The following RELN variants were observed in gnomAD, a reference collection of about 807,000 sequenced individuals.
The protein encoded by RELN is reelin.
In RELN, 108 loss-of-function variants were observed where a neutral mutation model predicts 427.6. That is an observed-to-expected ratio of 0.25 (90% CI 0.22 to 0.30). The LOEUF (loss-of-function observed/expected upper bound fraction) is 0.30, where lower values mean the gene tolerates loss of function less well. Ranked by LOEUF, RELN falls within the 10% of genes least tolerant of loss-of-function variation. The pLI, the probability that RELN is intolerant of heterozygous loss-of-function variation, is 1.00. For missense variants in RELN, 3,715 were observed against 4,302.8 expected (o/e 0.86, Z 3.82); for synonymous variants, 1,524 against 1,513.4 (o/e 1.01, Z -0.16).
Position 103,721,467 on chromosome 7 carries a change from C to G in RELN, c.805+1673G>C. Reference sequence around the variant, plus strand: ...GGGTTTTGAGTCTTAGGTAATAAACCCTTCATTCTCTGATTACCTCCTCTT... The same window carrying G: ...GGGTTTTGAGTCTTAGGTAATAAACGCTTCATTCTCTGATTACCTCCTCTT... On this transcript the variant is annotated intron_variant, in intron 8 of 64. Coordinates refer to ENST00000428762, the MANE Select transcript of RELN (RefSeq NM_005045.4). 2.0e-5 allele frequency among the ~76,000 whole-genome samples: 3 copies of G among 152,080 alleles called. No homozygotes were observed. In the Middle Eastern group the frequency reaches 0.01, roughly 517 times the overall value.
At chr7:103,679,347 A>G (rs1234245530) in intron 11 of RELN, among the ~76,000 whole-genome samples, 1 of 152,236 alleles carries the variant, frequency 6.6e-6, no homozygotes, top group Non-Finnish European at 1.5e-5. Context: ...CGTCCTGGCC[A>G]AAAGCCACAA....
At chr7:103,951,835 G>T (rs1796338959) in intron 1 of RELN, among the ~76,000 whole-genome samples, 1 of 152,276 alleles carries the variant, frequency 6.6e-6, no homozygotes, top group African/African-American at 2.4e-5. Context: ...ACAATGCCTG[G>T]CTAATTTTTG....
chr7:103,975,240 T>C (rs937600629), intron 1 of RELN, among the ~76,000 whole-genome samples: 8 of 152,254 alleles, frequency 5.3e-5, no homozygotes, highest in South Asian at 2.1e-4. Context: ...TATCTCATAT[T>C]AGACAGGGAT....
chr7:103,859,833 TA>T (rs1375420402), intron 2 of RELN, among the ~76,000 whole-genome samples: 1 of 152,060 alleles, frequency 6.6e-6, no homozygotes, highest in Non-Finnish European at 1.5e-5. Context: ...TAGAACACAG[TA>T]AGAAAGGTTT....
chr7:103,552,399 G>A (rs1270009094), intron 40 of RELN, among the ~76,000 whole-genome samples: 1 of 151,730 alleles, frequency 6.6e-6, no homozygotes, highest in East Asian at 1.9e-4. Context: ...TACATATTAT[G>A]TGTGTGTAGA....
At chr7:103,753,039 G>T (rs1026504705) in intron 5 of RELN, 143 bp downstream of exon 5, 4 of 817,322 alleles carry the variant, frequency 4.9e-6, no homozygotes, top group African/African-American at 1.7e-5. Context: ...AGTATAATCC[G>T]TACCCAAGTC....
chr7:103,557,922 A>C, intron 37 of RELN, 43 bp downstream of exon 37: 2 of 907,842 alleles, frequency 2.2e-6, no homozygotes, highest in Non-Finnish European at 3.7e-6. Flanking sequence ...GGAATTGCAC[A>C]GGGGAGAATT....
chr7:103,779,528 T>A lies in RELN; in HGVS notation c.474-2901A>T, dbSNP rs190790467. Among the ~76,000 whole-genome samples, 4 of 152,302 alleles carry A rather than the reference T, an allele frequency of 2.6e-5. No homozygotes were observed. The East Asian group carries it at 7.7e-4, about 29-fold the overall frequency. ...AGTAGATACTCTTATCCATTTTTCCTCGGACACAGAGCTACTGCATGATTT... is the reference window on the plus strand; with the variant it reads ...AGTAGATACTCTTATCCATTTTTCCACGGACACAGAGCTACTGCATGATTT... On this transcript the variant is annotated intron_variant, in intron 3 of 64. Transcript: ENST00000428762.
intron 2 of RELN, among the ~76,000 whole-genome samples, chr7:103,855,519 G>A (rs1348695913): frequency 2.0e-5 from 3 of 152,178 alleles, no homozygotes; most frequent in Non-Finnish European, 4.4e-5. Context: ...GCATGAGAAG[G>A]GCAAGGATTC....
At chr7:103,853,298 T>C (rs527902284) in intron 2 of RELN, among the ~76,000 whole-genome samples, 2 of 152,098 alleles carry the variant, frequency 1.3e-5, no homozygotes, top group Non-Finnish European at 2.9e-5. Flanking sequence ...AAATTTGGGT[T>C]ATTTGTTAAA....
chr7:103,632,298 G>C (rs1204562305), intron 19 of RELN, among the ~76,000 whole-genome samples: 1 of 152,194 alleles, frequency 6.6e-6, no homozygotes, highest in African/African-American at 2.4e-5. Flanking sequence ...GCAAGGGCCA[G>C]AAATTTTTTT....
intron 2 of RELN, among the ~76,000 whole-genome samples, chr7:103,909,095 T>C (rs909785940): frequency 6.6e-6 from 1 of 152,214 alleles, no homozygotes; most frequent in Non-Finnish European, 1.5e-5. Flanking sequence ...CCACTACTTA[T>C]ACAATACTCT....
At chr7:103,734,793 A>G (rs1352501514) in intron 6 of RELN, among the ~76,000 whole-genome samples, 2 of 152,310 alleles carry the variant, frequency 1.3e-5, no homozygotes, top group East Asian at 3.9e-4. Context: ...AACAATGTGC[A>G]TTTCAAGGAA....
chr7:103,839,685 A>G (rs1793504864), intron 2 of RELN, among the ~76,000 whole-genome samples: 1 of 152,228 alleles, frequency 6.6e-6, no homozygotes, highest in Non-Finnish European at 1.5e-5. Flanking sequence ...AATTATAATA[A>G]TCACAACTAA....
At chr7:103,526,288 GC>G (rs1244101571) in intron 46 of RELN, among the ~76,000 whole-genome samples, 1 of 152,206 alleles carries the variant, frequency 6.6e-6, no homozygotes, top group Admixed American at 6.5e-5. Context: ...TTCAATTTGT[GC>G]AACTCTCTGG....
chr7:103,804,743 A>G (rs1268281649), intron 3 of RELN, among the ~76,000 whole-genome samples: 1 of 152,178 alleles, frequency 6.6e-6, no homozygotes, highest in African/African-American at 2.4e-5. Context: ...TAACAAATCA[A>G]ACTCCTTAAT....
At chr7:103,742,049 G>T (rs895667985) in intron 6 of RELN, among the ~76,000 whole-genome samples, 2 of 152,078 alleles carry the variant, frequency 1.3e-5, no homozygotes, top group East Asian at 1.9e-4. Flanking sequence ...ACACGGCCAG[G>T]TACTCCTCTG....
At chr7:103,749,645 T>C in intron 5 of RELN, 141 bp from the exon 6 acceptor site, 1 of 693,208 alleles carries the variant, frequency 1.4e-6, no homozygotes, top group Non-Finnish European at 2.6e-6. Flanking sequence ...TATATTTGCT[T>C]TGTCCCTCAA....
intron 11 of RELN, among the ~76,000 whole-genome samples, chr7:103,664,264 T>C (rs1833208594): frequency 6.6e-6 from 1 of 152,234 alleles, no homozygotes; most frequent in South Asian, 2.1e-4. Context: ...TTATTAACAA[T>C]GCTATATAAA....
Sources: gnomAD v4.1 joint callset for allele counts (sites outside exome capture counted in the v4.1 genomes callset) on GRCh38, gnomAD v4.1.1 for gene constraint, MANE v1.5 for transcripts, NCBI Gene and HGNC (gene_info 2026-07-23, HGNC 2026-07-21) for gene names.